The following CTNNA2 variants were observed in gnomAD, a reference collection of about 807,000 sequenced individuals.
CTNNA2 encodes the protein catenin alpha-2.
CTNNA2 carries 42 observed loss-of-function variants against 101.0 expected under a neutral mutation model. The ratio of observed to expected loss-of-function variants is 0.42; its 90% CI spans 0.32 to 0.54. The LOEUF (loss-of-function observed/expected upper bound fraction) is 0.54, where lower values mean the gene tolerates loss of function less well. Among genes scored for constraint, CTNNA2 ranks in the 20% least tolerant of loss-of-function variants. The pLI, the probability that CTNNA2 is intolerant of heterozygous loss-of-function variation, is 0.14. For missense variants in CTNNA2, 871 were observed against 1,223.1 expected (o/e 0.71, Z 4.29); for synonymous variants, 450 against 456.4 (o/e 0.99, Z 0.18).
Position 79,594,728 on chromosome 2 carries a change from T to C in CTNNA2, c.-5-56824T>C, listed in dbSNP as rs898632302. ...TCTTTCTGCCTCTAGCCTACTTTCA[T>C]GTTTATCTCTCTTTTTTATATATAT... is the stretch of plus-strand genomic sequence containing the variant. On this transcript the variant is annotated intron_variant, in intron 1 of 18. Transcript: ENST00000402739. Among the ~76,000 whole-genome samples the C allele has an allele frequency of 2.8e-4, 43 of 152,166 alleles. 1 individual carries two copies. Among genetic ancestry groups the C allele is most frequent in the Non-Finnish European group, 1.6e-4 (11 of 68,034 alleles).
At chr2:79,615,842 T>C (rs553395442) in intron 1 of CTNNA2, among the ~76,000 whole-genome samples, 30 of 152,134 alleles carry the variant, frequency 2.0e-4, no homozygotes, top group Non-Finnish European at 3.5e-4. Flanking sequence ...ATGTGCGTGT[T>C]GGGGAGTTGT....
intron 4 of CTNNA2, among the ~76,000 whole-genome samples, chr2:79,462,568 A>G (rs2104536923): frequency 6.6e-6 from 1 of 152,364 alleles, no homozygotes; most frequent in Admixed American, 6.5e-5. Context: ...GACACAAAAA[A>G]GCAACCTATA....
chr2:80,319,243 T>C (rs1278044942), intron 7 of CTNNA2, among the ~76,000 whole-genome samples: 4 of 152,208 alleles, frequency 2.6e-5, no homozygotes, highest in African/African-American at 9.7e-5. Context: ...ATATAATTGG[T>C]ATTTGAAGGA....
chr2:80,384,205 A>G (rs72813673), intron 7 of CTNNA2, among the ~76,000 whole-genome samples: 2,726 of 152,274 alleles, frequency 0.018, 70 homozygotes, highest in East Asian at 0.11. Flanking sequence ...CCGAAAAAAT[A>G]TATATCAGGT....
chr2:80,126,114 C>T (rs1288459281), intron 7 of CTNNA2, among the ~76,000 whole-genome samples: 3 of 152,058 alleles, frequency 2.0e-5, no homozygotes, highest in African/African-American at 4.8e-5. Context: ...TGTTTCTGCT[C>T]CTGCTTCTTT....
chr2:80,064,638 G>A (rs1037214272), intron 7 of CTNNA2, among the ~76,000 whole-genome samples: 2 of 152,202 alleles, frequency 1.3e-5, no homozygotes, highest in Non-Finnish European at 2.9e-5. Flanking sequence ...TCAATGGCAC[G>A]TCATTTCTCC....
chr2:80,581,191 A>G (rs998401366), intron 13 of CTNNA2, among the ~76,000 whole-genome samples: 3 of 152,186 alleles, frequency 2.0e-5, no homozygotes, highest in Non-Finnish European at 4.4e-5. Context: ...TAGTTTATTT[A>G]TGAGCACATA....
chr2:79,775,982 T>C (rs1673933928), intron 3 of CTNNA2, among the ~76,000 whole-genome samples: 1 of 152,202 alleles, frequency 6.6e-6, no homozygotes, highest in South Asian at 2.1e-4. Context: ...TTCATCTAAC[T>C]TCATACCCTG....
At chr2:79,443,399 C>CT (rs902335153) in intron 4 of CTNNA2, among the ~76,000 whole-genome samples, 1 of 151,564 alleles carries the variant, frequency 6.6e-6, no homozygotes, top group African/African-American at 2.4e-5. Flanking sequence ...CCTTCCTCCA[C>CT]TTTTTTTTTC....
intron 9 of CTNNA2, among the ~76,000 whole-genome samples, chr2:80,508,794 G>A (rs1485732829): frequency 1.3e-5 from 2 of 152,158 alleles, no homozygotes; most frequent in African/African-American, 4.8e-5. Flanking sequence ...AATTCCCTGA[G>A]GAATATGCTT....
At chr2:79,581,639 C>T (rs148564608) in intron 1 of CTNNA2, among the ~76,000 whole-genome samples, 88 of 152,106 alleles carry the variant, frequency 5.8e-4, no homozygotes, top group African/African-American at 2.1e-3. Context: ...TCTTAATATT[C>T]ATAAGCCTGT....
chr2:80,443,127 C>T (rs1682738258), intron 9 of CTNNA2, among the ~76,000 whole-genome samples: 1 of 152,174 alleles, frequency 6.6e-6, no homozygotes, highest in Non-Finnish European at 1.5e-5. Flanking sequence ...AACCAAAGTT[C>T]ACTTAATCGT....
chr2:79,838,832 A>G (rs1679584001), intron 3 of CTNNA2, among the ~76,000 whole-genome samples: 1 of 151,688 alleles, frequency 6.6e-6, no homozygotes, highest in African/African-American at 2.4e-5. Context: ...GTGCCACATG[A>G]TATTATGTAT....
intron 7 of CTNNA2, among the ~76,000 whole-genome samples, chr2:80,188,894 C>G (rs1168809656): frequency 1.3e-5 from 2 of 149,924 alleles, no homozygotes; most frequent in Non-Finnish European, 3.0e-5. Flanking sequence ...ACCATAAGCA[C>G]TAACTAAAAC....
chr2:79,672,662 A>G (rs1682918347), intron 2 of CTNNA2, among the ~76,000 whole-genome samples: 1 of 151,842 alleles, frequency 6.6e-6, no homozygotes, highest in Admixed American at 6.6e-5. Context: ...ACTACCTGAA[A>G]CATAGATTTT....
At chr2:80,361,203 G>A (rs971350213) in intron 7 of CTNNA2, among the ~76,000 whole-genome samples, 8 of 152,024 alleles carry the variant, frequency 5.3e-5, no homozygotes, top group East Asian at 1.9e-4. Flanking sequence ...CTCAAACTAG[G>A]TCAAATATTC....
chr2:79,582,875 A>T (rs1676234357), intron 1 of CTNNA2, among the ~76,000 whole-genome samples: 1 of 152,052 alleles, frequency 6.6e-6, no homozygotes, highest in Non-Finnish European at 1.5e-5. Context: ...ATGCTTTTTT[A>T]AGTTCATCCT....
chr2:80,536,850 ATCTGTGAGC>A lies in CTNNA2; in HGVS notation c.1291-8130_1291-8122del, dbSNP rs573206243. Among the ~76,000 whole-genome samples, 689 of 152,288 alleles carry A rather than the reference ATCTGTGAGC, an allele frequency of 4.5e-3. 3 individuals are homozygous for A. The highest frequency in any genetic ancestry group is 0.018 in the South Asian group (85 of 4,832). On this transcript the variant is annotated intron_variant, in intron 9 of 18. Coordinates refer to ENST00000402739, the MANE Select transcript of CTNNA2 (RefSeq NM_001282597.3). The stretch of plus-strand genomic sequence containing the variant: ...TACAGCCACGATGTAGTTTATCAAG[ATCTGTGAGC>A]TGTGTGGGGTTTTCTTTGTGTGATT...
chr2:79,809,737 C>T (rs1226088720), intron 3 of CTNNA2, among the ~76,000 whole-genome samples: 1 of 152,100 alleles, frequency 6.6e-6, no homozygotes, highest in East Asian at 1.9e-4. Context: ...CTGTAGGTTG[C>T]CTATCACTCT....
Sources: gnomAD v4.1 joint callset for allele counts (sites outside exome capture counted in the v4.1 genomes callset) on GRCh38, gnomAD v4.1.1 for gene constraint, MANE v1.5 for transcripts, NCBI Gene and HGNC (gene_info 2026-07-23, HGNC 2026-07-21) for gene names.